Variants in PGAP3 observed in about 807,000 individuals in gnomAD.
PGAP3 encodes post-GPI attachment to proteins phospholipase 3.
Under a neutral mutation model 40.3 loss-of-function variants are expected in PGAP3, and 31 were observed. The observed-to-expected ratio is 0.77, with a 90% confidence interval of 0.58 to 1.04. The LOEUF is 1.04. Among genes scored for constraint, PGAP3 ranks in the 50% least tolerant of loss-of-function variants. PGAP3 has a pLI of 0.00. For missense variants in PGAP3, 413 were observed against 423.0 expected, an observed-to-expected ratio of 0.98 and a Z score of 0.21; for synonymous variants, 191 against 184.5, an observed-to-expected ratio of 1.04 and a Z score of -0.29.
intron 3 of PGAP3, among the ~76,000 whole-genome samples, chr17:39,681,627 G>A (rs1236621681): frequency 3.3e-5 from 5 of 152,030 alleles, no homozygotes; most frequent in Non-Finnish European, 5.9e-5. Flanking sequence ...TCCTGCCTCA[G>A]CCTCCCAAGT....
intron 3 of PGAP3, among the ~76,000 whole-genome samples, chr17:39,684,037 T>C (rs2057474756): frequency 1.3e-5 from 2 of 149,438 alleles, no homozygotes; most frequent in South Asian, 2.1e-4. Context: ...GGCAGGAGAA[T>C]TGCTTGAACC....
chr17:39,672,634 C>T lies in PGAP3; in HGVS notation c.*169G>A. The T allele has an allele frequency of 1.4e-6, 1 of 706,184 alleles. No individual in the cohort carries two copies. Among genetic ancestry groups the T allele is most frequent in the Non-Finnish European group, 2.4e-6 (1 of 413,526 alleles). The allele number at this position is 706,184 out of a possible 1,614,324, so 43.7% of individuals were successfully genotyped here. A position where few individuals can be genotyped will look rare whatever the true frequency, so the allele number is the denominator to read the frequency against. On this transcript the variant is annotated 3_prime_UTR_variant, in exon 8 of 8. Coordinates refer to ENST00000300658, the MANE Select transcript of PGAP3 (RefSeq NM_033419.5). ...GCCTTCCCTAGAACAGACTCCAAGG[C>T]TGGTGAGGGCCAACAGGGGGTGGGC... is the stretch of plus-strand genomic sequence containing the variant.
intron 3 of PGAP3, among the ~76,000 whole-genome samples, chr17:39,675,601 AG>A (rs2057366541): frequency 6.6e-6 from 1 of 152,192 alleles, no homozygotes; most frequent in African/African-American, 2.4e-5. Context: ...AGGAAAGGCC[AG>A]GAACTGCTCA....
At chr17:39,684,491 CAG>C (rs1435735633) in intron 3 of PGAP3, 104 bp downstream of exon 3, 2 of 1,347,626 alleles carry the variant, frequency 1.5e-6, no homozygotes, top group Admixed American at 2.6e-5. Context: ...CCCTGGGAAA[CAG>C]AGGGGAAGCT....
At chr17:39,673,353 G>A in intron 6 of PGAP3, 98 bp from the exon 7 acceptor site, 1 of 1,549,650 alleles carries the variant, frequency 6.5e-7, no homozygotes, top group Non-Finnish European at 8.8e-7. Context: ...ATCATCCTCG[G>A]ACTCTCCTCC....
At position 39,684,711 on chromosome 17, in the gene PGAP3, T is replaced by A; in HGVS notation, c.318A>T (p.Ala106=). The change falls in exon 3 of 8, where the codon GCA becomes GCT. Residue 106 remains alanine, a synonymous_variant. Transcript: ENST00000300658. Reference sequence around the variant, plus strand: ...CATTGAGAAACGAGGCCACGGCCGATGCCGGCTCTTGAAAGAACAGGAACC... The same window carrying A: ...CATTGAGAAACGAGGCCACGGCCGAAGCCGGCTCTTGAAAGAACAGGAACC... ...FSRFLFFQEP[A]SAVASFLNGL... The A allele has an allele frequency of 6.2e-7, 1 of 1,612,678 alleles. No individual in the cohort carries two copies. The highest frequency in any genetic ancestry group is 8.5e-7 in the Non-Finnish European group (1 of 1,179,370).
Position 39,671,334 on chromosome 17 carries a change from C to G in PGAP3, c.*1469G>C, listed in dbSNP as rs1161506699. On this transcript the variant is annotated 3_prime_UTR_variant, in exon 8 of 8. Transcript: ENST00000300658. ...AGACTGCCTTTGGGATGGAAAGTTT[C>G]TGGAGCTCCCTCCATTCTATTCCTG... The G allele has an allele frequency of 6.6e-6, 1 of 152,364 alleles. No individual in the cohort carries two copies. The highest frequency in any genetic ancestry group is 2.4e-5 in the African/African-American group (1 of 41,442). The allele number at this position is 152,364 out of a possible 1,614,324, so 9.4% of individuals were successfully genotyped here. A position where few individuals can be genotyped will look rare whatever the true frequency, so the allele number is the denominator to read the frequency against.
chr17:39,687,922 G>C lies in PGAP3; in HGVS notation c.93C>G (p.Asp31Glu). 2.0e-6 allele frequency: 3 copies of C among 1,508,066 alleles called. No individual in the cohort carries two copies. In the South Asian group the frequency reaches 3.7e-5, roughly 19 times the overall value. 93.4% of individuals were successfully genotyped at this position (1,508,066 alleles called of 1,614,324 possible). Residue 31 changes from aspartate (D) to glutamate (E), a missense_variant, in exon 1 of 8, where the codon GAC becomes GAG. Coordinates refer to ENST00000300658, the MANE Select transcript of PGAP3 (RefSeq NM_033419.5). Reference sequence around the variant, plus strand: ...TCTGCTCTTCGCACTGCAGTACGCAGTCGCGGTACACCGGCTCACGGTCGC... The same window carrying C: ...TCTGCTCTTCGCACTGCAGTACGCACTCGCGGTACACCGGCTCACGGTCGC... ...SQGDREPVYR[D>E]CVLQCEEQNC...
intron 1 of PGAP3, among the ~76,000 whole-genome samples, chr17:39,687,373 G>C (rs2145159242): frequency 6.6e-6 from 1 of 152,318 alleles, no homozygotes; most frequent in South Asian, 2.1e-4. Context: ...CAAATCGAAT[G>C]TACCAGTCCA....
intron 7 of PGAP3, 54 bp from the exon 8 acceptor site, chr17:39,672,920 G>A: frequency 1.3e-6 from 2 of 1,598,642 alleles, no homozygotes; most frequent in Admixed American, 3.4e-5. Flanking sequence ...AGCTCGCATG[G>A]AGACAAGGGT....
At position 39,674,539 on chromosome 17, in the gene PGAP3, C is replaced by T. The variant is rs373720390; in HGVS notation, c.495+78G>A. On this transcript the variant is annotated intron_variant, in intron 4 of 7. Transcript: ENST00000300658. ...GCTCCTCAGAGGGAGTTGGCATGACCCTCTAGAGCCCCTCTGCCCACTTCT... is the reference window on the plus strand; with the variant it reads ...GCTCCTCAGAGGGAGTTGGCATGACTCTCTAGAGCCCCTCTGCCCACTTCT... 1.1e-4 allele frequency: 162 copies of T among 1,434,776 alleles called. 1 individual carries two copies. The South Asian group carries it at 1.6e-3, about 14-fold the overall frequency. The allele number at this position is 1,434,776 out of a possible 1,614,324, so 88.9% of individuals were successfully genotyped here. A position where few individuals can be genotyped will look rare whatever the true frequency, so the allele number is the denominator to read the frequency against.
chr17:39,686,128 A>G, intron 1 of PGAP3, 109 bp from the exon 2 acceptor site: 1 of 858,692 alleles, frequency 1.2e-6, no homozygotes. Context: ...TAAGTTGGAG[A>G]GAACCAGGAG....
intron 5 of PGAP3, 36 bp from the exon 6 acceptor site, chr17:39,673,686 G>A: frequency 6.2e-7 from 1 of 1,609,876 alleles, no homozygotes; most frequent in Non-Finnish European, 8.5e-7. Context: ...GAGGGCAGGT[G>A]GCCCATCCCC....
chr17:39,674,184 C>T, intron 4 of PGAP3, 130 bp from the exon 5 acceptor site: 1 of 898,564 alleles, frequency 1.1e-6, no homozygotes, highest in Non-Finnish European at 1.8e-6. Flanking sequence ...TTCACTCTGA[C>T]TGAGTCTTGT....
At chr17:39,676,966 G>C (rs1383877679) in intron 3 of PGAP3, among the ~76,000 whole-genome samples, 1 of 152,140 alleles carries the variant, frequency 6.6e-6, no homozygotes, top group South Asian at 2.1e-4. Flanking sequence ...GGCAGATAAG[G>C]GGTGGTCTCC....
intron 4 of PGAP3, among the ~76,000 whole-genome samples, chr17:39,674,391 CCT>C (rs1229938119): frequency 6.6e-6 from 1 of 152,146 alleles, no homozygotes; most frequent in East Asian, 1.9e-4. Context: ...ATGTGGTCCC[CCT>C]GTCGAAGGCT....
chr17:39,674,433 T>C (rs957761259), intron 4 of PGAP3, among the ~76,000 whole-genome samples, 184 bp downstream of exon 4: 6 of 152,118 alleles, frequency 3.9e-5, no homozygotes, highest in Admixed American at 6.5e-5. Flanking sequence ...GAAGAGCGAA[T>C]ACTCATCCCC....
intron 3 of PGAP3, among the ~76,000 whole-genome samples, chr17:39,678,665 C>T (rs1187134271): frequency 6.6e-6 from 1 of 152,288 alleles, no homozygotes; most frequent in Middle Eastern, 3.4e-3. Context: ...AAATCAGGAG[C>T]CTCAGTGCCC....
rs189711531 is a variant in PGAP3, at chr17:39,673,788, T to A, written c.558-138A>T. The A allele has an allele frequency of 1.9e-4, 256 of 1,320,952 alleles. 4 individuals carry two copies. The East Asian group carries it at 6.1e-3, about 32-fold the overall frequency. 81.8% of individuals were successfully genotyped at this position (1,320,952 alleles called of 1,614,324 possible). On this transcript the variant is annotated intron_variant, in intron 5 of 7. Transcript: ENST00000300658. The stretch of plus-strand genomic sequence containing the variant: ...CTCTCCCCACCAAACAGGCCACAGC[T>A]GGGCAGCAAGTGCTACAGCTCCTTG...
Sources: gnomAD v4.1 joint callset for allele counts (sites outside exome capture counted in the v4.1 genomes callset) on GRCh38, gnomAD v4.1.1 for gene constraint, MANE v1.5 for transcripts, NCBI Gene and HGNC (gene_info 2026-07-23, HGNC 2026-07-21) for gene names.